ANK2: variants seen among roughly 807,000 people sequenced by gnomAD.
The protein encoded by ANK2 is ankyrin-2.
Under a neutral mutation model 360.5 loss-of-function variants are expected in ANK2, and 83 were observed. The ratio of observed to expected loss-of-function variants is 0.23; its 90% CI spans 0.19 to 0.28. The LOEUF is 0.28. ANK2 is among the 10% of genes least tolerant of loss of function. The pLI is 1.00. For synonymous variants in ANK2, 1,740 were observed against 1,759.5 expected (o/e 0.99, Z 0.28); for missense variants, 4,201 against 4,795.7 (o/e 0.88, Z 3.66).
chr4:112,985,596 A>G (rs183095837), intron 2 of ANK2, among the ~76,000 whole-genome samples: 187 of 152,296 alleles, frequency 1.2e-3, no homozygotes, highest in African/African-American at 4.3e-3. Flanking sequence ...TACCATAGGG[A>G]CCTGGTTGGT....
At chr4:113,032,449 A>G (rs1197511806) in intron 2 of ANK2, among the ~76,000 whole-genome samples, 1 of 151,862 alleles carries the variant, frequency 6.6e-6, no homozygotes, top group Non-Finnish European at 1.5e-5. Flanking sequence ...TCCCATCTTC[A>G]CCCTTTTAAC....
chr4:112,982,990 T>C (rs2043591148), intron 2 of ANK2, among the ~76,000 whole-genome samples: 1 of 152,190 alleles, frequency 6.6e-6, no homozygotes, highest in South Asian at 2.1e-4. Flanking sequence ...ATATACACCA[T>C]GGCAACCAGT....
chr4:113,216,382 A>G (rs904478167), intron 4 of ANK2, among the ~76,000 whole-genome samples: 1 of 152,210 alleles, frequency 6.6e-6, no homozygotes. Flanking sequence ...ATCTCATTCT[A>G]ATTTTAGACT....
intron 1 of ANK2, chr4:112,818,274 T>TA (rs1024077310): frequency 2.0e-5 from 3 of 152,366 alleles, no homozygotes; most frequent in Admixed American, 6.5e-5. Context: ...AGTAAGTGCT[T>TA]AAAGAAGGTC....
chr4:113,311,185 T>A (rs2079769783), intron 23 of ANK2, 70 bp from the exon 24 acceptor site: 4 of 1,597,748 alleles, frequency 2.5e-6, no homozygotes, highest in Non-Finnish European at 2.6e-6. Context: ...CATTTCACAA[T>A]CATGACCATA....
the ANK2 span, among the ~76,000 whole-genome samples, chr4:112,725,463 C>T: frequency 8.1e-5 from 12 of 147,366 alleles, no homozygotes; most frequent in Admixed American, 1.4e-4. Flanking sequence ...CGGGTTCACG[C>T]GATTCTCCTG....
At chr4:112,725,917 A>G in the ANK2 span, among the ~76,000 whole-genome samples, 2 of 152,216 alleles carry the variant, frequency 1.3e-5, no homozygotes, top group Non-Finnish European at 2.9e-5. Flanking sequence ...ATTTAAAAAT[A>G]TAAATAAATA....
At chr4:112,956,766 C>T (rs1450652348) in intron 2 of ANK2, among the ~76,000 whole-genome samples, 1 of 152,148 alleles carries the variant, frequency 6.6e-6, no homozygotes, top group Non-Finnish European at 1.5e-5. Context: ...AAATATTGGG[C>T]ATCCCTAAAA....
At chr4:112,847,061 G>A (rs1179076341) in intron 1 of ANK2, among the ~76,000 whole-genome samples, 1 of 152,172 alleles carries the variant, frequency 6.6e-6, no homozygotes, top group Non-Finnish European at 1.5e-5. Flanking sequence ...TGGGCAATCA[G>A]TAGTCACATA....
the ANK2 span, among the ~76,000 whole-genome samples, chr4:112,721,456 C>T: frequency 7.8e-5 from 11 of 141,724 alleles, no homozygotes; most frequent in East Asian, 6.6e-4. Flanking sequence ...GCAGGAAAAT[C>T]GTTTGAACCC....
At chr4:113,203,209 T>A (rs13118200) in intron 4 of ANK2, among the ~76,000 whole-genome samples, 64,703 of 152,074 alleles carry the variant, frequency 0.43, 14,485 homozygotes, top group Non-Finnish European at 0.51. Context: ...TGATTTCCAT[T>A]TAAGCTGTAT....
chr4:113,358,424 G>A lies in ANK2; in HGVS notation c.9806G>A (p.Arg3269Lys), dbSNP rs763125408. 2.5e-6 allele frequency: 4 copies of A among 1,614,076 alleles called. No individual in the cohort carries two copies. The South Asian group carries it at 4.4e-5, about 18-fold the overall frequency. ...STLTRSVYSD[R>K]GDDSPDSSPE... ...CTCACCAGGTCTGTTTATTCAGATA[G>A]GGGTGATGATTCTCCCGATTCTTCC... Residue 3269 changes from arginine (R) to lysine (K), a missense_variant, in exon 38 of 46, where the codon AGG (arginine) becomes AAG (lysine). Coordinates refer to ENST00000357077, the MANE Select transcript of ANK2 (RefSeq NM_001148.6).
At chr4:112,987,541 G>A (rs888644277) in intron 2 of ANK2, among the ~76,000 whole-genome samples, 1 of 152,046 alleles carries the variant, frequency 6.6e-6, no homozygotes, top group African/African-American at 2.4e-5. Context: ...ATTGCTTGTG[G>A]CAGGACAAGG....
chr4:113,331,826 T>A, intron 27 of ANK2, 146 bp from the exon 28 acceptor site: 1 of 802,168 alleles, frequency 1.2e-6, no homozygotes, highest in Non-Finnish European at 2.2e-6. Flanking sequence ...CCTTGCTCTT[T>A]GTGACCAATG....
At chr4:113,272,707 C>G (rs977565624) in intron 14 of ANK2, among the ~76,000 whole-genome samples, 2 of 151,986 alleles carry the variant, frequency 1.3e-5, no homozygotes, top group Admixed American at 1.3e-4. Flanking sequence ...ATGTAGCTAC[C>G]TCTAGTCAAT....
intron 1 of ANK2, among the ~76,000 whole-genome samples, chr4:113,081,588 A>G (rs570297114): frequency 1.3e-5 from 2 of 152,284 alleles, no homozygotes; most frequent in South Asian, 4.1e-4. Flanking sequence ...TTTTGCTGCC[A>G]TGGCAAGTAT....
At chr4:113,340,729 AC>A (rs34897710) in intron 32 of ANK2, among the ~76,000 whole-genome samples, 1 of 100,408 alleles carries the variant, frequency 1.0e-5, no homozygotes, top group Admixed American at 9.0e-5. Flanking sequence ...CAAACAAAAA[AC>A]AAACAAACAA....
upstream of ANK2, among the ~76,000 whole-genome samples, chr4:113,046,237 G>A (rs1275678711): frequency 6.6e-6 from 1 of 152,072 alleles, no homozygotes; most frequent in Non-Finnish European, 1.5e-5. Flanking sequence ...ACCGGCACCT[G>A]TTTAACTACT....
chr4:113,046,765 G>C (rs1188237088), upstream of ANK2, among the ~76,000 whole-genome samples: 1 of 152,120 alleles, frequency 6.6e-6, no homozygotes, highest in Non-Finnish European at 1.5e-5. Context: ...GCAGCCAGCA[G>C]GGTATAGCAG....
Sources: gnomAD v4.1 joint callset for allele counts (sites outside exome capture counted in the v4.1 genomes callset) on GRCh38, gnomAD v4.1.1 for gene constraint, MANE v1.5 for transcripts, NCBI Gene and HGNC (gene_info 2026-07-23, HGNC 2026-07-21) for gene names.